Variants in HPSE2 observed in about 807,000 individuals in gnomAD.
HPSE2 encodes the protein heparanase 2 (inactive), also known as inactive heparanase-2.
Under a neutral mutation model 60.5 loss-of-function variants are expected in HPSE2, and 38 were observed. The observed-to-expected ratio is 0.63, with a 90% CI of 0.48 to 0.82. The LOEUF is 0.82. Among genes scored for constraint, HPSE2 ranks in the 40% least tolerant of loss-of-function variants. The probability of loss-of-function intolerance (pLI) is 0.00; values close to 1 mark genes in which losing one functional copy is unlikely to be tolerated. For missense variants in HPSE2, 713 were observed against 740.4 expected, an observed-to-expected ratio of 0.96 and a Z score of 0.43; for synonymous variants, 295 against 293.2, an observed-to-expected ratio of 1.01 and a Z score of -0.06.
chr10:99,129,987 G>A (rs1845318471), intron 3 of HPSE2, among the ~76,000 whole-genome samples: 1 of 151,932 alleles, frequency 6.6e-6, no homozygotes, highest in African/African-American at 2.4e-5. Flanking sequence ...ATAATTCAAG[G>A]CTACCAGGAA....
At chr10:99,111,451 G>C (rs1340476146) in intron 3 of HPSE2, among the ~76,000 whole-genome samples, 6 of 152,144 alleles carry the variant, frequency 3.9e-5, no homozygotes, top group Admixed American at 3.3e-4. Context: ...TTAAAATCTA[G>C]AGGGAGAAGG....
At chr10:98,728,772 C>T (rs889013077) in intron 4 of HPSE2, among the ~76,000 whole-genome samples, 4 of 152,128 alleles carry the variant, frequency 2.6e-5, no homozygotes, top group African/African-American at 9.7e-5. Flanking sequence ...CTTTGCTAGG[C>T]TGAGGTGGGA....
chr10:99,013,049 A>G (rs1026528740), intron 3 of HPSE2: 8 of 490,116 alleles, frequency 1.6e-5, no homozygotes, highest in African/African-American at 1.2e-4. Context: ...GCTTTCAGGT[A>G]AAGTTTAGCA....
chr10:98,476,716 G>C (rs907539586), intron 11 of HPSE2, among the ~76,000 whole-genome samples: 4 of 152,016 alleles, frequency 2.6e-5, no homozygotes, highest in Admixed American at 1.3e-4. Context: ...CTTGAACCTG[G>C]GGGGCAGAGG....
chr10:98,467,901 C>A (rs965073854), intron 11 of HPSE2, among the ~76,000 whole-genome samples: 1 of 152,236 alleles, frequency 6.6e-6, no homozygotes, highest in Non-Finnish European at 1.5e-5. Flanking sequence ...GTGCCGGCTT[C>A]CCGGCCAGCG....
At chr10:99,230,255 C>T (rs1196086784) in intron 2 of HPSE2, among the ~76,000 whole-genome samples, 1 of 152,112 alleles carries the variant, frequency 6.6e-6, no homozygotes, top group Non-Finnish European at 1.5e-5. Flanking sequence ...CTAACACTCA[C>T]ACCAAAGGCA....
intron 9 of HPSE2, 66 bp from the exon 10 acceptor site, chr10:98,490,262 GACACACACACAC>G (rs59184373): frequency 0.075 from 72,510 of 966,496 alleles, 23 homozygotes; most frequent in East Asian, 0.12. Flanking sequence ...GAGTAAACAT[GACACACACACAC>G]ACACACACAC....
At chr10:98,972,866 T>C (rs1407655021) in intron 3 of HPSE2, among the ~76,000 whole-genome samples, 1 of 152,186 alleles carries the variant, frequency 6.6e-6, no homozygotes, top group East Asian at 1.9e-4. Context: ...ATGTAGTTCT[T>C]CTTAATGTAT....
rs556130528 is a variant in HPSE2, at chr10:98,986,233, T to C, written c.610+158005A>G. Among the ~76,000 whole-genome samples, 9 of 152,172 alleles carry C rather than the reference T, an allele frequency of 5.9e-5. No homozygotes were observed. In the East Asian group the frequency reaches 1.5e-3, roughly 26 times the overall value. On this transcript the variant is annotated intron_variant, in intron 3 of 11. Coordinates refer to ENST00000370552, the MANE Select transcript of HPSE2 (RefSeq NM_021828.5). ...CACACCTATTCCAAAACTGACCACA[T>C]AGTTGGAAGTAAAGCACTCCTCAGC...
chr10:99,217,251 C>T (rs560653284), intron 2 of HPSE2, among the ~76,000 whole-genome samples: 1 of 147,888 alleles, frequency 6.8e-6, no homozygotes, highest in African/African-American at 2.4e-5. Flanking sequence ...CCTCCTGGTT[C>T]CCGGGCCAGG....
chr10:98,926,289 T>G (rs934786963), intron 3 of HPSE2, among the ~76,000 whole-genome samples: 1 of 152,022 alleles, frequency 6.6e-6, no homozygotes, highest in African/African-American at 2.4e-5. Context: ...TGAAGGTCAA[T>G]AGGAATGAAG....
intron 3 of HPSE2, among the ~76,000 whole-genome samples, chr10:99,065,328 CA>C (rs1207326619): frequency 6.6e-6 from 1 of 152,146 alleles, no homozygotes; most frequent in Non-Finnish European, 1.5e-5. Context: ...CTTCTGCACC[CA>C]GTTTGCCTTT....
intron 2 of HPSE2, among the ~76,000 whole-genome samples, chr10:99,197,125 T>C (rs1419194390): frequency 3.3e-5 from 5 of 152,126 alleles, no homozygotes; most frequent in African/African-American, 7.2e-5. Context: ...CAGGCACAGA[T>C]AGACAAACAT....
chr10:98,792,711 C>G (rs1298687243), intron 3 of HPSE2, among the ~76,000 whole-genome samples: 1 of 151,142 alleles, frequency 6.6e-6, no homozygotes, highest in African/African-American at 2.4e-5. Context: ...GTGGTTGTTT[C>G]TCCAACCAAT....
At chr10:98,488,915 C>T (rs187793884) in intron 10 of HPSE2, among the ~76,000 whole-genome samples, 11 of 152,264 alleles carry the variant, frequency 7.2e-5, no homozygotes, top group African/African-American at 2.6e-4. Context: ...TGGCCCCTGC[C>T]CCCCCTCTCC....
intron 1 of HPSE2, 75 bp from the exon 2 acceptor site, chr10:99,232,580 T>C: frequency 6.8e-7 from 1 of 1,477,600 alleles, no homozygotes; most frequent in Non-Finnish European, 9.2e-7. Context: ...AGAAGGGCCC[T>C]CTTCCTACTC....
intron 3 of HPSE2, among the ~76,000 whole-genome samples, chr10:98,803,202 T>C (rs540099046): frequency 9.2e-5 from 14 of 151,384 alleles, no homozygotes; most frequent in African/African-American, 3.2e-4. Flanking sequence ...TTTGAGTTCA[T>C]TGTAGATTCT....
At chr10:98,759,189 TA>T (rs35081509) in intron 3 of HPSE2, among the ~76,000 whole-genome samples, 105,186 of 151,740 alleles carry the variant, frequency 0.69, 37,548 homozygotes, top group Non-Finnish European at 0.8. Flanking sequence ...TACTTGAGGG[TA>T]GAGTGTGGGA....
At chr10:98,809,619 A>T (rs1467719950) in intron 3 of HPSE2, among the ~76,000 whole-genome samples, 1 of 152,130 alleles carries the variant, frequency 6.6e-6, no homozygotes, top group Non-Finnish European at 1.5e-5. Flanking sequence ...ATTACAGTGG[A>T]TGATCATAGC....
Sources: allele counts gnomAD v4.1 joint callset (sites outside exome capture counted in the v4.1 genomes callset), GRCh38; gene constraint gnomAD v4.1.1; transcripts MANE v1.5; gene names NCBI Gene and HGNC (gene_info 2026-07-23, HGNC 2026-07-21).